PLPP4: variants seen among roughly 807,000 people sequenced by gnomAD.
PLPP4 encodes the protein diacylglycerol pyrophosphate like 2.
In PLPP4, 20 loss-of-function variants were observed where a neutral mutation model predicts 32.2. The ratio of observed to expected loss-of-function variants is 0.62; its 90% CI spans 0.44 to 0.90. The LOEUF is 0.90. Ranked by LOEUF, PLPP4 falls within the 40% of genes least tolerant of loss-of-function variation. The probability of loss-of-function intolerance (pLI) is 0.00; values close to 1 mark genes in which losing one functional copy is unlikely to be tolerated. For missense variants in PLPP4, 257 were observed against 353.1 expected (o/e 0.73, Z 2.18); for synonymous variants, 127 against 133.0 (o/e 0.95, Z 0.31).
intron 5 of PLPP4, among the ~76,000 whole-genome samples, chr10:120,572,692 C>T (rs930292970): frequency 6.6e-6 from 1 of 152,182 alleles, no homozygotes; most frequent in Non-Finnish European, 1.5e-5. Flanking sequence ...CCTGAAGGAG[C>T]TCAGGATGGG....
chr10:120,460,251 A>C (rs777535096), intron 1 of PLPP4, among the ~76,000 whole-genome samples: 1 of 152,204 alleles, frequency 6.6e-6, no homozygotes, highest in Non-Finnish European at 1.5e-5. Flanking sequence ...TTGAGGTCCT[A>C]TTGCTCTTAC....
chr10:120,498,284 A>G (rs1433584104), intron 1 of PLPP4, among the ~76,000 whole-genome samples: 1 of 152,196 alleles, frequency 6.6e-6, no homozygotes, highest in Non-Finnish European at 1.5e-5. Flanking sequence ...CATAGTTAAC[A>G]ATTCATGAAT....
chr10:120,581,791 TC>T (rs34039786), intron 6 of PLPP4, among the ~76,000 whole-genome samples: 10,962 of 152,116 alleles, frequency 0.072, 669 homozygotes, highest in African/African-American at 0.17. Context: ...TGCAGCCCCT[TC>T]CCCACATGCC....
intron 1 of PLPP4, among the ~76,000 whole-genome samples, chr10:120,478,425 T>A (rs559383474): frequency 6.6e-6 from 1 of 152,342 alleles, no homozygotes; most frequent in East Asian, 1.9e-4. Flanking sequence ...AAACAACTTA[T>A]CTTTGCTGGA....
At chr10:120,550,606 G>C (rs1847849705) in intron 5 of PLPP4, among the ~76,000 whole-genome samples, 1 of 151,684 alleles carries the variant, frequency 6.6e-6, no homozygotes, top group Admixed American at 6.6e-5. Context: ...ATAGAGTCAA[G>C]AAATTGACCC....
chr10:120,523,037 C>A (rs952806944), intron 5 of PLPP4, among the ~76,000 whole-genome samples: 1 of 152,176 alleles, frequency 6.6e-6, no homozygotes, highest in Non-Finnish European at 1.5e-5. Context: ...GTGGCTCACG[C>A]CTGTAATCCC....
At chr10:120,499,281 T>C (rs947380973) in intron 1 of PLPP4, among the ~76,000 whole-genome samples, 23 of 152,196 alleles carry the variant, frequency 1.5e-4, no homozygotes, top group African/African-American at 5.3e-4. Flanking sequence ...CTTTTCATTT[T>C]GTTTTCTATA....
At chr10:120,496,046 G>C (rs147531652) in intron 1 of PLPP4, among the ~76,000 whole-genome samples, 2 of 152,174 alleles carry the variant, frequency 1.3e-5, no homozygotes, top group East Asian at 3.8e-4. Flanking sequence ...TAAGTCTAAT[G>C]ATCTGATCTG....
intron 1 of PLPP4, among the ~76,000 whole-genome samples, chr10:120,502,017 G>T (rs1845279035): frequency 6.6e-6 from 1 of 152,190 alleles, no homozygotes. Flanking sequence ...CCCAGAGAGG[G>T]TGCTCCTCCA....
chr10:120,458,080 T>G (rs979276505), intron 1 of PLPP4, among the ~76,000 whole-genome samples: 1 of 152,100 alleles, frequency 6.6e-6, no homozygotes, highest in African/African-American at 2.4e-5. Context: ...GTGGCGCAGG[T>G]TCTTTCAGAG....
At chr10:120,490,187 T>C (rs1844653303) in intron 1 of PLPP4, among the ~76,000 whole-genome samples, 1 of 152,228 alleles carries the variant, frequency 6.6e-6, no homozygotes, top group African/African-American at 2.4e-5. Flanking sequence ...GGTCCTTGAC[T>C]CAGGTGATGG....
At chr10:120,589,165 T>G in intron 6 of PLPP4, 138 bp from the exon 7 acceptor site, 2 of 758,268 alleles carry the variant, frequency 2.6e-6, no homozygotes, top group Non-Finnish European at 4.4e-6. Flanking sequence ...CTGTGGTTTC[T>G]TTCCTTTAGT....
rs1029712997 is a variant in PLPP4 at position 120,591,984 on chromosome 10, T to A, written c.*2482T>A. ...CACAAAAGGCAGGCATTTTTACAGATCCTTATGTTTCAATTTCATGCTCTA... is the reference window on the plus strand; with the variant it reads ...CACAAAAGGCAGGCATTTTTACAGAACCTTATGTTTCAATTTCATGCTCTA... On this transcript the variant is annotated 3_prime_UTR_variant, in exon 7 of 7. Transcript: ENST00000398250. 2.6e-5 allele frequency among the ~76,000 whole-genome samples: 4 copies of A among 152,142 alleles called. No individual in the cohort carries two copies. In the South Asian group the frequency reaches 8.3e-4, roughly 32 times the overall value.
At chr10:120,460,083 G>A (rs913903326) in intron 1 of PLPP4, among the ~76,000 whole-genome samples, 1 of 152,146 alleles carries the variant, frequency 6.6e-6, no homozygotes, top group Admixed American at 6.5e-5. Flanking sequence ...ACTTCAAATC[G>A]CTGGGAAGGA....
At chr10:120,506,573 C>T (rs1379013849) in intron 2 of PLPP4, among the ~76,000 whole-genome samples, 3 of 152,052 alleles carry the variant, frequency 2.0e-5, no homozygotes, top group African/African-American at 7.2e-5. Flanking sequence ...TAAAGATGAA[C>T]TTTCTTTCTT....
chr10:120,507,396 TCATCATCAA>T (rs1845544032), intron 2 of PLPP4, among the ~76,000 whole-genome samples: 1 of 144,908 alleles, frequency 6.9e-6, no homozygotes, highest in East Asian at 2.0e-4. Flanking sequence ...ATTATCATCA[TCATCATCAA>T]CAACAGTAAA....
intron 5 of PLPP4, among the ~76,000 whole-genome samples, chr10:120,534,860 C>A (rs767598237): frequency 1.3e-5 from 2 of 152,084 alleles, no homozygotes; most frequent in Admixed American, 6.5e-5. Context: ...CCCTTCCATC[C>A]CTTCCTGAGG....
At chr10:120,543,906 T>C (rs1424579823) in intron 5 of PLPP4, among the ~76,000 whole-genome samples, 1 of 152,230 alleles carries the variant, frequency 6.6e-6, no homozygotes, top group Admixed American at 6.5e-5. Context: ...AGCATACGTA[T>C]CCTCAGGATG....
chr10:120,469,926 A>G (rs987378772), intron 1 of PLPP4, among the ~76,000 whole-genome samples: 5 of 152,224 alleles, frequency 3.3e-5, no homozygotes, highest in Non-Finnish European at 7.3e-5. Flanking sequence ...ATGAAAAACA[A>G]TATTGCAGTT....
Sources: allele counts gnomAD v4.1 joint callset (sites outside exome capture counted in the v4.1 genomes callset), GRCh38; gene constraint gnomAD v4.1.1; transcripts MANE v1.5; gene names NCBI Gene and HGNC (gene_info 2026-07-23, HGNC 2026-07-21).